The following SPOP variants were observed in gnomAD, a reference collection of about 807,000 sequenced individuals.
The protein encoded by SPOP is speckle type BTB/POZ protein.
SPOP carries 11 observed loss-of-function variants against 45.6 expected under a neutral mutation model. The ratio of observed to expected loss-of-function variants is 0.24; its 90% CI spans 0.15 to 0.40. The LOEUF (loss-of-function observed/expected upper bound fraction) is 0.40, where lower values mean the gene tolerates loss of function less well. Among genes scored for constraint, SPOP ranks in the 10% least tolerant of loss-of-function variants. The probability of loss-of-function intolerance (pLI) is 1.00; values close to 1 mark genes in which losing one functional copy is unlikely to be tolerated. For synonymous variants in SPOP, 166 were observed against 166.3 expected (o/e 1.00, Z 0.01); for missense variants, 152 against 465.6 (o/e 0.33, Z 6.20).
chr17:49,634,232 A>G (rs2072503403), intron 1 of SPOP, among the ~76,000 whole-genome samples: 1 of 152,222 alleles, frequency 6.6e-6, no homozygotes, highest in Non-Finnish European at 1.5e-5. Flanking sequence ...CAACTTCTCC[A>G]TTCTCACAAA....
At chr17:49,646,065 G>C (rs2072753288) in intron 1 of SPOP, 1 of 152,094 alleles carries the variant, frequency 6.6e-6, no homozygotes. Flanking sequence ...TCTGTATTAT[G>C]GCTAGGAATA....
chr17:49,638,462 G>A (rs779179895), intron 1 of SPOP, among the ~76,000 whole-genome samples: 8 of 152,052 alleles, frequency 5.3e-5, no homozygotes, highest in Admixed American at 2.0e-4. Context: ...GGTGGTGCAC[G>A]CCTGTAGTCC....
In SPOP at chr17:49,622,853, A is replaced by G. The variant is rs770523866; in HGVS notation, c.-43T>C. On this transcript the variant is annotated 5_prime_UTR_variant, in exon 2 of 10. Coordinates refer to ENST00000504102, the MANE Select transcript of SPOP (RefSeq NM_001007228.2). ...AACGAGATTTCCAAAGTCAGGGGGC[A>G]AAGATTTCTGTTCCCTCTTCACCCT... is the stretch of plus-strand genomic sequence containing the variant. 60 of 1,536,252 alleles carry G rather than the reference A, an allele frequency of 3.9e-5. No individual in the cohort carries two copies. The highest frequency in any genetic ancestry group is 5.2e-5 in the Non-Finnish European group (58 of 1,109,080).
rs1158672009 is a variant in SPOP at position 49,600,000 on chromosome 17, C to T, written c.*378G>A. Reference sequence around the variant, plus strand: ...TTTCCCTTCTGTTAAAACTCAATGTCCTTTCTTTTTTTTTTTTCCTTTTTG... The same window carrying T: ...TTTCCCTTCTGTTAAAACTCAATGTTCTTTCTTTTTTTTTTTTCCTTTTTG... On this transcript the variant is annotated 3_prime_UTR_variant, in exon 10 of 10. Coordinates refer to ENST00000504102, the MANE Select transcript of SPOP (RefSeq NM_001007228.2). The T allele has an allele frequency of 4.2e-6, 1 of 239,226 alleles. No individual in the cohort carries two copies. Among genetic ancestry groups the T allele is most frequent in the Non-Finnish European group, 8.2e-6 (1 of 122,684 alleles). 14.8% of individuals were successfully genotyped at this position (239,226 alleles called of 1,614,324 possible). A position where few individuals can be genotyped will look rare whatever the true frequency, so the allele number is the denominator to read the frequency against.
intron 6 of SPOP, among the ~76,000 whole-genome samples, chr17:49,609,001 T>C (rs1014712226): frequency 3.3e-5 from 5 of 152,008 alleles, no homozygotes; most frequent in African/African-American, 1.2e-4. Flanking sequence ...GTCTGCCTCC[T>C]GAGTTCAAGC....
chr17:49,664,202 T>C (rs1213772364), intron 1 of SPOP, among the ~76,000 whole-genome samples: 1 of 152,208 alleles, frequency 6.6e-6, no homozygotes, highest in East Asian at 1.9e-4. Flanking sequence ...CAGAGAAGAA[T>C]ATGCACAATT....
intron 5 of SPOP, among the ~76,000 whole-genome samples, chr17:49,617,325 G>A (rs986010927): frequency 1.3e-5 from 2 of 152,152 alleles, no homozygotes; most frequent in Non-Finnish European, 1.5e-5. Context: ...ACTGTGATCT[G>A]TTTACATAAC....
At chr17:49,653,443 C>G (rs2072868327) in intron 1 of SPOP, among the ~76,000 whole-genome samples, 1 of 152,040 alleles carries the variant, frequency 6.6e-6, no homozygotes. Context: ...AATATTTTCC[C>G]TGTAGACACA....
At chr17:49,606,484 G>T (rs368653418) in intron 8 of SPOP, among the ~76,000 whole-genome samples, 181 of 121,320 alleles carry the variant, frequency 1.5e-3, no homozygotes, top group African/African-American at 5.5e-3. Flanking sequence ...GTTTTTTCTT[G>T]TTTCTTTTTT....
chr17:49,664,812 T>A (rs2073031904), intron 1 of SPOP, among the ~76,000 whole-genome samples: 1 of 152,184 alleles, frequency 6.6e-6, no homozygotes, highest in African/African-American at 2.4e-5. Context: ...TAAAGCCTAT[T>A]TACAGCAGAA....
chr17:49,676,642 C>T (rs548302977), intron 1 of SPOP, among the ~76,000 whole-genome samples: 1 of 152,252 alleles, frequency 6.6e-6, no homozygotes, highest in East Asian at 1.9e-4. Context: ...AAAAATGCCC[C>T]TCCTCTCGCA....
At chr17:49,631,598 C>T (rs2072452858) in intron 1 of SPOP, among the ~76,000 whole-genome samples, 1 of 152,188 alleles carries the variant, frequency 6.6e-6, no homozygotes, top group South Asian at 2.1e-4. Flanking sequence ...GAAAGGAATT[C>T]TTCAGTGGCC....
chr17:49,606,831 G>C (rs1329495923), intron 8 of SPOP, among the ~76,000 whole-genome samples: 1 of 152,062 alleles, frequency 6.6e-6, no homozygotes, highest in East Asian at 1.9e-4. Context: ...TGTGATCTGA[G>C]ATTGGTTGAG....
intron 1 of SPOP, among the ~76,000 whole-genome samples, chr17:49,676,228 A>G (rs368268356): frequency 7.2e-5 from 11 of 152,326 alleles, no homozygotes; most frequent in African/African-American, 2.4e-4. Flanking sequence ...TAAATGGATA[A>G]CAACTACCCC....
intron 5 of SPOP, among the ~76,000 whole-genome samples, chr17:49,614,802 A>AGTGTGTGTGTGTGTGTGT (rs60134980): frequency 1.8e-4 from 27 of 146,978 alleles, no homozygotes; most frequent in African/African-American, 6.4e-4. Flanking sequence ...CATGCTATGA[A>AGTGTGTGTGTGTGTGTGT]GTGTGTGTGT....
In SPOP at chr17:49,666,976, C is replaced by T. The variant is rs938475269; in HGVS notation, c.-67+10957G>A. On this transcript the variant is annotated intron_variant, in intron 1 of 9. Coordinates refer to ENST00000504102, the MANE Select transcript of SPOP (RefSeq NM_001007228.2). Reference sequence around the variant, plus strand: ...GGTGGATCACCTGAGGTCAGGAGTTCGAGACTAGCCTGGCCAACATGGTGA... The same window carrying T: ...GGTGGATCACCTGAGGTCAGGAGTTTGAGACTAGCCTGGCCAACATGGTGA... 1.1e-4 allele frequency among the ~76,000 whole-genome samples: 16 copies of T among 151,668 alleles called. No homozygotes were observed. The South Asian group carries it at 2.3e-3, about 22-fold the overall frequency.
In SPOP at chr17:49,599,371, G is replaced by A. The variant is rs2143088574; in HGVS notation, c.*1007C>T. ...TGGAGGAAGAGGGGCTAGTCAGAAG[G>A]AACAGAACTGGCTCCTATGCAGGCG... is the stretch of plus-strand genomic sequence containing the variant. On this transcript the variant is annotated 3_prime_UTR_variant, in exon 10 of 10. Coordinates refer to ENST00000504102, the MANE Select transcript of SPOP (RefSeq NM_001007228.2). 4.4e-6 allele frequency: 1 copy of A among 225,496 alleles called. No individual in the cohort carries two copies. Among genetic ancestry groups the A allele is most frequent in the South Asian group, 1.8e-4 (1 of 5,464 alleles). 14.0% of individuals were successfully genotyped at this position (225,496 alleles called of 1,614,324 possible).
At chr17:49,656,395 C>T (rs2072914021) in intron 1 of SPOP, among the ~76,000 whole-genome samples, 1 of 152,180 alleles carries the variant, frequency 6.6e-6, no homozygotes, top group African/African-American at 2.4e-5. Flanking sequence ...CTTTATCTTA[C>T]ACTTGCATAC....
chr17:49,599,517 T>G lies in SPOP; in HGVS notation c.*861A>C, dbSNP rs201901446. The G allele has an allele frequency of 0.015, 3,183 of 209,988 alleles. 90 individuals carry two copies. Among genetic ancestry groups the G allele is most frequent in the East Asian group, 0.11 (1,589 of 13,890 alleles). 13.0% of individuals were successfully genotyped at this position (209,988 alleles called of 1,614,324 possible). On this transcript the variant is annotated 3_prime_UTR_variant, in exon 10 of 10. Coordinates refer to ENST00000504102, the MANE Select transcript of SPOP (RefSeq NM_001007228.2). ...TTTTTGTTTTGTGTGTTTTTTTTTT[T>G]GTTTGTTTTTTAGAAAAAGGGGTGG...
Sources: allele counts gnomAD v4.1 joint callset (sites outside exome capture counted in the v4.1 genomes callset), GRCh38; gene constraint gnomAD v4.1.1; transcripts MANE v1.5; gene names NCBI Gene and HGNC (gene_info 2026-07-23, HGNC 2026-07-21).